Variants in DPP6 observed in about 807,000 individuals in gnomAD.
The protein encoded by DPP6 is dipeptidyl peptidase like 6.
Under a neutral mutation model 122.6 loss-of-function variants are expected in DPP6, and 69 were observed. The observed-to-expected ratio is 0.56, with a 90% CI of 0.46 to 0.69. The LOEUF (loss-of-function observed/expected upper bound fraction) is 0.69. Among genes scored for constraint, DPP6 ranks in the 30% least tolerant of loss-of-function variants. DPP6 has a pLI of 0.00. For missense variants in DPP6, 928 were observed against 1,116.9 expected (o/e 0.83, Z 2.41); for synonymous variants, 418 against 433.1 (o/e 0.97, Z 0.43).
the DPP6 span, among the ~76,000 whole-genome samples, chr7:153,817,626 G>A: frequency 6.6e-6 from 1 of 151,704 alleles, no homozygotes; most frequent in East Asian, 1.9e-4. Context: ...TAGGAACATG[G>A]ATGAAGCTGG....
chr7:154,596,741 GC>G (rs1833118630), intron 5 of DPP6, among the ~76,000 whole-genome samples: 1 of 152,194 alleles, frequency 6.6e-6, no homozygotes, highest in Non-Finnish European at 1.5e-5. Context: ...AGAATAATGA[GC>G]CCTTAAATGC....
At chr7:154,722,151 C>T (rs983233270) in intron 7 of DPP6, among the ~76,000 whole-genome samples, 18 of 152,188 alleles carry the variant, frequency 1.2e-4, no homozygotes, top group African/African-American at 4.1e-4. Flanking sequence ...GCTATGATCA[C>T]ACCACTGCAC....
the DPP6 span, among the ~76,000 whole-genome samples, chr7:153,773,340 A>T: frequency 8.7e-5 from 10 of 114,790 alleles, no homozygotes; most frequent in African/African-American, 2.8e-4. Context: ...ATTTTTTTTT[A>T]AAGCAGGCAT....
At chr7:154,881,308 C>T (rs1027612954) in intron 21 of DPP6, among the ~76,000 whole-genome samples, 3 of 152,320 alleles carry the variant, frequency 2.0e-5, no homozygotes, top group South Asian at 2.1e-4. Context: ...GGAGTAACAA[C>T]GTTAATTACC....
At chr7:153,869,349 A>G in the DPP6 span, among the ~76,000 whole-genome samples, 1 of 152,198 alleles carries the variant, frequency 6.6e-6, no homozygotes, top group Non-Finnish European at 1.5e-5. Flanking sequence ...TATTGGGTGC[A>G]TATGTATTTA....
In DPP6 at chr7:154,860,021, T is replaced by C. The variant is rs574512830; in HGVS notation, c.1714+6194T>C. On this transcript the variant is annotated intron_variant, in intron 17 of 25. Transcript: ENST00000377770. ...AGGCAGCCTGGTTCCCACTCCTTTA[T>C]GGCATCAAAAGTTAGGTTTCTCTAC... Among the ~76,000 whole-genome samples, 26 of 152,292 alleles carry C rather than the reference T, an allele frequency of 1.7e-4. No homozygotes were observed. The South Asian group carries it at 5.2e-3, about 30-fold the overall frequency.
At chr7:154,461,093 A>G (rs1821260460) in intron 2 of DPP6, among the ~76,000 whole-genome samples, 1 of 152,092 alleles carries the variant, frequency 6.6e-6, no homozygotes, top group Non-Finnish European at 1.5e-5. Flanking sequence ...ATAAATGAGA[A>G]CATGCCAAGT....
At chr7:154,672,213 T>C (rs1015329133) in intron 7 of DPP6, among the ~76,000 whole-genome samples, 4 of 152,190 alleles carry the variant, frequency 2.6e-5, no homozygotes, top group African/African-American at 9.6e-5. Context: ...TCTGCCGTGA[T>C]TGTAAGTCTC....
At chr7:154,792,451 G>A (rs1035342313) in intron 10 of DPP6, among the ~76,000 whole-genome samples, 3 of 152,260 alleles carry the variant, frequency 2.0e-5, no homozygotes, top group Non-Finnish European at 4.4e-5. Flanking sequence ...GGACAAAAGT[G>A]ACATATATTT....
intron 1 of DPP6, among the ~76,000 whole-genome samples, chr7:154,150,968 T>C (rs1230470618): frequency 6.6e-6 from 1 of 152,118 alleles, no homozygotes; most frequent in Non-Finnish European, 1.5e-5. Context: ...TGTTCCTAGA[T>C]AGCTGCTTCC....
chr7:154,692,567 G>T (rs10263124), intron 7 of DPP6, among the ~76,000 whole-genome samples: 142,903 of 152,176 alleles, frequency 0.94, 67,218 homozygotes, highest in South Asian at 1. Flanking sequence ...TTAATGTTGG[G>T]GTCAAGAAGC....
At chr7:153,887,805 T>C in intron 1 of DPP6, 1 of 1,547,552 alleles carries the variant, frequency 6.5e-7, no homozygotes, top group South Asian at 1.2e-5. Context: ...GGGGGAGGTC[T>C]GTCCTTCTCA....
At chr7:154,827,267 T>G (rs576492373) in intron 16 of DPP6, among the ~76,000 whole-genome samples, 71 of 151,842 alleles carry the variant, frequency 4.7e-4, no homozygotes, top group African/African-American at 1.6e-3. Flanking sequence ...AATCAGCTCT[T>G]CCCCATTCTC....
chr7:154,434,134 A>G (rs1022130616), intron 1 of DPP6, among the ~76,000 whole-genome samples: 1 of 152,246 alleles, frequency 6.6e-6, no homozygotes. Flanking sequence ...TAAAACATTA[A>G]CAGTCTGAAT....
chr7:153,955,958 T>C (rs761529414), intron 1 of DPP6, among the ~76,000 whole-genome samples: 16 of 152,160 alleles, frequency 1.1e-4, no homozygotes, highest in Non-Finnish European at 1.6e-4. Context: ...GATGTGGCCC[T>C]TCATCCCATC....
intron 1 of DPP6, among the ~76,000 whole-genome samples, chr7:154,201,787 G>T (rs2150786888): frequency 6.6e-6 from 1 of 152,300 alleles, no homozygotes; most frequent in South Asian, 2.1e-4. Flanking sequence ...CAGTGGGTCT[G>T]CATACCATTG....
chr7:154,892,596 A>G lies in DPP6; in HGVS notation c.*116A>G, dbSNP rs1806714100. ...GGGGCGGGGCGGGGCCGGGTGTTCC[A>G]TAGCATGTGTGTCTCGGATGCGGAA... On this transcript the variant is annotated 3_prime_UTR_variant, in exon 26 of 26. Coordinates refer to ENST00000377770, the MANE Select transcript of DPP6 (RefSeq NM_130797.4). 3 of 1,546,334 alleles carry G rather than the reference A, an allele frequency of 1.9e-6. No individual in the cohort carries two copies. Among genetic ancestry groups the G allele is most frequent in the Middle Eastern group, 2.2e-4 (1 of 4,482 alleles).
chr7:154,696,078 C>A (rs1488763424), intron 7 of DPP6, among the ~76,000 whole-genome samples: 1 of 152,192 alleles, frequency 6.6e-6, no homozygotes, highest in Non-Finnish European at 1.5e-5. Context: ...CCAGGGACTC[C>A]ATGCCGGGCG....
chr7:154,045,790 C>T (rs1354454633), intron 1 of DPP6, among the ~76,000 whole-genome samples: 8 of 152,226 alleles, frequency 5.3e-5, no homozygotes, highest in African/African-American at 1.9e-4. Context: ...TAGTATCAGT[C>T]TTGCTTCACT....
Sources: allele counts gnomAD v4.1 joint callset (sites outside exome capture counted in the v4.1 genomes callset), GRCh38; gene constraint gnomAD v4.1.1; transcripts MANE v1.5; gene names NCBI Gene and HGNC (gene_info 2026-07-23, HGNC 2026-07-21).